The following SLIT3 variants were observed in gnomAD, a reference collection of about 807,000 sequenced individuals.
SLIT3 encodes the protein slit guidance ligand 3.
In SLIT3, 68 loss-of-function variants were observed where a neutral mutation model predicts 184.0. That is an observed-to-expected ratio of 0.37 (90% CI 0.30 to 0.45). SLIT3 has a LOEUF of 0.45. Ranked by LOEUF, SLIT3 falls within the 20% of genes least tolerant of loss-of-function variation. The pLI, the probability that SLIT3 is intolerant of heterozygous loss-of-function variation, is 1.00. For synonymous variants in SLIT3, 831 were observed against 828.6 expected, an observed-to-expected ratio of 1.00 and a Z score of -0.05; for missense variants, 1,707 against 2,026.0, an observed-to-expected ratio of 0.84 and a Z score of 3.02.
intron 16 of SLIT3, among the ~76,000 whole-genome samples, chr5:168,754,989 C>T (rs1754843568): frequency 6.6e-6 from 1 of 152,236 alleles, no homozygotes; most frequent in Non-Finnish European, 1.5e-5. Flanking sequence ...TAAGCTTTCT[C>T]ACCAGTTAAG....
chr5:169,201,187 C>G (rs566351248), intron 3 of SLIT3, among the ~76,000 whole-genome samples: 2 of 152,272 alleles, frequency 1.3e-5, no homozygotes, highest in East Asian at 3.9e-4. Context: ...GTTTTGAAAT[C>G]AGTTATTTTT....
At chr5:168,755,575 C>G (rs966574227) in intron 16 of SLIT3, among the ~76,000 whole-genome samples, 1 of 151,816 alleles carries the variant, frequency 6.6e-6, no homozygotes, top group Non-Finnish European at 1.5e-5. Flanking sequence ...GCTGGGATTA[C>G]AGGTGCCTGC....
At chr5:168,889,714 A>G (rs1196668311) in intron 4 of SLIT3, among the ~76,000 whole-genome samples, 2 of 152,224 alleles carry the variant, frequency 1.3e-5, no homozygotes, top group East Asian at 1.9e-4. Context: ...GTGTTCCACT[A>G]TGGTTGAAGT....
At chr5:168,784,898 C>T (rs989488196) in intron 12 of SLIT3, among the ~76,000 whole-genome samples, 8 of 151,786 alleles carry the variant, frequency 5.3e-5, no homozygotes, top group Non-Finnish European at 1.0e-4. Context: ...CGCACACACA[C>T]ACCTGCACAC....
chr5:169,153,411 G>C (rs901208878), intron 4 of SLIT3, among the ~76,000 whole-genome samples: 1 of 152,226 alleles, frequency 6.6e-6, no homozygotes, highest in Non-Finnish European at 1.5e-5. Context: ...TGCTTTTGCA[G>C]AATTCAAATT....
At chr5:168,722,390 T>C (rs1314768873) in intron 22 of SLIT3, 63 bp from the exon 23 acceptor site, 41 of 1,395,450 alleles carry the variant, frequency 2.9e-5, no homozygotes, top group Non-Finnish European at 4.1e-5. Context: ...ATAGGTGCAC[T>C]GTTCACGTTG....
chr5:169,000,392 C>CAAA (rs34002967), intron 4 of SLIT3, among the ~76,000 whole-genome samples: 1,316 of 42,214 alleles, frequency 0.031, 44 homozygotes, highest in African/African-American at 0.055. Flanking sequence ...AACTCCATCT[C>CAAA]AAAAAAAAAA....
chr5:168,811,981 T>C (rs1040208536), intron 8 of SLIT3, among the ~76,000 whole-genome samples: 12 of 152,206 alleles, frequency 7.9e-5, no homozygotes, highest in Admixed American at 3.3e-4. Context: ...AGTGAATGAA[T>C]GGATACAGAC....
chr5:169,006,586 C>CTA (rs1755936325), intron 4 of SLIT3, among the ~76,000 whole-genome samples: 1 of 145,654 alleles, frequency 6.9e-6, no homozygotes, highest in South Asian at 2.2e-4. Flanking sequence ...TCTTCTCTCT[C>CTA]TCTCTCTCTC....
chr5:169,252,541 A>T (rs559335159), intron 1 of SLIT3, among the ~76,000 whole-genome samples: 1 of 152,328 alleles, frequency 6.6e-6, no homozygotes, highest in East Asian at 1.9e-4. Flanking sequence ...AACGCCAAAA[A>T]AAGGAACCAT....
At chr5:168,811,501 T>C (rs1757156387) in intron 8 of SLIT3, among the ~76,000 whole-genome samples, 1 of 152,170 alleles carries the variant, frequency 6.6e-6, no homozygotes, top group Non-Finnish European at 1.5e-5. Context: ...TTTATTGCCA[T>C]GAAACTGAAA....
intron 4 of SLIT3, among the ~76,000 whole-genome samples, chr5:168,958,928 A>T (rs569880551): frequency 1.3e-5 from 2 of 152,084 alleles, no homozygotes; most frequent in Non-Finnish European, 2.9e-5. Context: ...TTTTACTTCC[A>T]CCTGGCCAAG....
chr5:168,821,720 C>A (rs1010799751), intron 7 of SLIT3, among the ~76,000 whole-genome samples: 2 of 152,162 alleles, frequency 1.3e-5, no homozygotes, highest in African/African-American at 4.8e-5. Flanking sequence ...ATGTACCAGG[C>A]ACTTTATGTG....
intron 1 of SLIT3, among the ~76,000 whole-genome samples, chr5:169,289,248 T>A (rs963059078): frequency 5.9e-5 from 9 of 152,162 alleles, no homozygotes; most frequent in Non-Finnish European, 1.3e-4. Flanking sequence ...TCTCACTAAT[T>A]CCACTTAGAA....
At chr5:169,157,924 A>C (rs1041727848) in intron 4 of SLIT3, among the ~76,000 whole-genome samples, 5 of 151,920 alleles carry the variant, frequency 3.3e-5, no homozygotes, top group Admixed American at 6.6e-5. Context: ...TAGAACAATA[A>C]AAATTACACA....
intron 4 of SLIT3, among the ~76,000 whole-genome samples, chr5:169,058,477 G>T (rs1011412338): frequency 1.3e-5 from 2 of 152,190 alleles, no homozygotes; most frequent in African/African-American, 2.4e-5. Context: ...AGGGATATTT[G>T]GGAGAAGCTG....
chr5:168,675,205 T>C (rs538468610), intron 32 of SLIT3, among the ~76,000 whole-genome samples: 1 of 152,260 alleles, frequency 6.6e-6, no homozygotes, highest in Admixed American at 6.5e-5. Flanking sequence ...TATTCAGGTA[T>C]CAGGGATACA....
At chr5:168,858,777 C>T (rs1407581444) in intron 5 of SLIT3, among the ~76,000 whole-genome samples, 1 of 152,206 alleles carries the variant, frequency 6.6e-6, no homozygotes, top group South Asian at 2.1e-4. Flanking sequence ...CCAAAGGTTT[C>T]GATTTTCCAT....
intron 3 of SLIT3, among the ~76,000 whole-genome samples, chr5:169,195,824 C>T (rs1763723899): frequency 6.6e-6 from 1 of 152,168 alleles, no homozygotes; most frequent in Non-Finnish European, 1.5e-5. Context: ...CCGTGCCCGG[C>T]TGAGGGAAGC....
Sources: allele counts gnomAD v4.1 joint callset (sites outside exome capture counted in the v4.1 genomes callset), GRCh38; gene constraint gnomAD v4.1.1; transcripts MANE v1.5; gene names NCBI Gene and HGNC (gene_info 2026-07-23, HGNC 2026-07-21).